PLEKHA1: variants seen among roughly 807,000 people sequenced by gnomAD.
PLEKHA1 encodes pleckstrin homology domain containing A1.
A neutral mutation model predicts 52.0 loss-of-function variants in PLEKHA1; 34 were observed. That is an observed-to-expected ratio of 0.65 (90% confidence interval 0.50 to 0.87). PLEKHA1 has a LOEUF of 0.87. PLEKHA1 is among the 40% of genes least tolerant of loss of function. The pLI is 0.00. For synonymous variants in PLEKHA1, 163 were observed against 170.7 expected, an observed-to-expected ratio of 0.95 and a Z score of 0.35; for missense variants, 497 against 504.2, an observed-to-expected ratio of 0.99 and a Z score of 0.14.
chr10:122,438,738 C>G, the PLEKHA1 span: 1 of 152,154 alleles, frequency 6.6e-6, no homozygotes, highest in Non-Finnish European at 1.5e-5. Flanking sequence ...TTGTCACGCT[C>G]CTGACTTCAG....
chr10:122,405,232 A>T (rs1240117491), intron 4 of PLEKHA1, among the ~76,000 whole-genome samples: 2 of 152,202 alleles, frequency 1.3e-5, no homozygotes, highest in Non-Finnish European at 2.9e-5. Flanking sequence ...CATAAGGTCT[A>T]GAAAAATAGA....
chr10:122,438,608 C>T, the PLEKHA1 span: 2 of 152,284 alleles, frequency 1.3e-5, no homozygotes, highest in Non-Finnish European at 2.9e-5. Flanking sequence ...GAATAGATGT[C>T]TAGGATTGGG....
At chr10:122,440,976 T>A in the PLEKHA1 span, 1 of 152,180 alleles carries the variant, frequency 6.6e-6, no homozygotes, top group East Asian at 1.9e-4. Flanking sequence ...CCCTCTTAAG[T>A]CTGCTGTGAG....
At chr10:122,423,424 T>TC (rs1468085155) in intron 8 of PLEKHA1, 2 of 42,140 alleles carry the variant, frequency 4.7e-5, no homozygotes, top group East Asian at 1.7e-3. Context: ...AAACTCCATC[T>TC]CAAAAAAAAA....
intron 6 of PLEKHA1, among the ~76,000 whole-genome samples, chr10:122,414,202 A>G (rs763669211): frequency 1.3e-5 from 2 of 152,114 alleles, no homozygotes; most frequent in African/African-American, 2.4e-5. Context: ...ATTATGACCT[A>G]TGTTGACATA....
intron 5 of PLEKHA1, 101 bp downstream of exon 5, chr10:122,406,774 C>A: frequency 1.2e-6 from 1 of 850,264 alleles, no homozygotes; most frequent in Non-Finnish European, 1.9e-6. Flanking sequence ...CAACAGGTTT[C>A]ATACTCAAGC....
chr10:122,419,040 T>G (rs553344353), intron 8 of PLEKHA1: 27 of 152,184 alleles, frequency 1.8e-4, no homozygotes, highest in Non-Finnish European at 3.5e-4. Flanking sequence ...TTACACACAA[T>G]GGCCACTGTA....
intron 1 of PLEKHA1, among the ~76,000 whole-genome samples, chr10:122,386,337 G>C (rs532088716): frequency 1.1e-3 from 158 of 150,320 alleles, no homozygotes; most frequent in African/African-American, 3.6e-3. Context: ...TTCGTATTTG[G>C]TTGTCTTATT....
chr10:122,390,473 T>G (rs916373005), intron 1 of PLEKHA1, among the ~76,000 whole-genome samples: 4 of 152,198 alleles, frequency 2.6e-5, no homozygotes, highest in African/African-American at 9.7e-5. Context: ...CATTTCTGGC[T>G]TTTGGTTTAA....
At chr10:122,375,235 G>A (rs1334571802) in intron 1 of PLEKHA1, among the ~76,000 whole-genome samples, 3 of 152,060 alleles carry the variant, frequency 2.0e-5, no homozygotes, top group African/African-American at 7.2e-5. Context: ...GCAGCTGCCC[G>A]GGGATTCCCG....
rs1409983185 is a variant in PLEKHA1 at position 122,394,223 on chromosome 10, T to TCACAC, written c.141+882_141+883insCACAC. ...CCGAGTAGCTGGGACTACAGGGGTG[T>TCACAC]GCCACCACACCTGGCTAATTTTTTG... On this transcript the variant is annotated intron_variant, in intron 2 of 11. Transcript: ENST00000368990. Among the ~76,000 whole-genome samples the TCACAC allele has an allele frequency of 2.3e-4, 35 of 151,768 alleles. 1 individual carries two copies. In the East Asian group the frequency reaches 6.8e-3, roughly 29 times the overall value.
chr10:122,385,409 C>T (rs1022155662), intron 1 of PLEKHA1, among the ~76,000 whole-genome samples: 2 of 150,834 alleles, frequency 1.3e-5, no homozygotes, highest in African/African-American at 4.9e-5. Context: ...CCTCCGCCTC[C>T]CGGGTTCAAG....
chr10:122,404,331 A>G (rs1028060783), intron 4 of PLEKHA1, among the ~76,000 whole-genome samples: 1 of 152,148 alleles, frequency 6.6e-6, no homozygotes, highest in Non-Finnish European at 1.5e-5. Context: ...AAGGTATACT[A>G]GGGGTCTTTT....
intron 4 of PLEKHA1, 142 bp from the exon 5 acceptor site, chr10:122,406,434 C>CTG: frequency 4.5e-6 from 3 of 669,958 alleles, no homozygotes; most frequent in Non-Finnish European, 5.4e-6. Context: ...GTGATAAAAG[C>CTG]TGTATTACAT....
chr10:122,441,345 G>C, the PLEKHA1 span: 1 of 152,178 alleles, frequency 6.6e-6, no homozygotes, highest in Non-Finnish European at 1.5e-5. Flanking sequence ...GTGTGTGTCT[G>C]TAGTCCCAGC....
At chr10:122,411,041 G>T (rs1211886954) in intron 5 of PLEKHA1, among the ~76,000 whole-genome samples, 3 of 151,836 alleles carry the variant, frequency 2.0e-5, no homozygotes, top group Non-Finnish European at 4.4e-5. Context: ...ATCATTCCAG[G>T]GTATACTATC....
Position 122,430,036 on chromosome 10 carries a change from C to T in PLEKHA1, c.*98C>T, listed in dbSNP as rs899856174. On this transcript the variant is annotated 3_prime_UTR_variant, in exon 12 of 12. Coordinates refer to ENST00000368990, the MANE Select transcript of PLEKHA1 (RefSeq NM_001001974.4). The stretch of plus-strand genomic sequence containing the variant: ...ATAAAGGGGGAAATGGTTTTTAGTG[C>T]GTATATTATACTGCCTCTTAGGTGT... 3.5e-5 allele frequency: 46 copies of T among 1,319,044 alleles called. No homozygotes were observed. The highest frequency in any genetic ancestry group is 4.5e-4 in the Middle Eastern group (2 of 4,466). The allele number at this position is 1,319,044 out of a possible 1,614,324, so 81.7% of individuals were successfully genotyped here.
In PLEKHA1 at chr10:122,431,943, C is replaced by T; in HGVS notation, c.*2005C>T. The T allele has an allele frequency of 6.6e-6, 1 of 152,000 alleles. No individual in the cohort carries two copies. The highest frequency in any genetic ancestry group is 1.9e-4 in the East Asian group (1 of 5,198). 9.4% of individuals were successfully genotyped at this position (152,000 alleles called of 1,614,324 possible). ...TAATTTTGGTACAGCTTCCACATTG[C>T]ATGTTCACTTTAGTATTTGCAATTT... On this transcript the variant is annotated 3_prime_UTR_variant, in exon 12 of 12. Coordinates refer to ENST00000368990, the MANE Select transcript of PLEKHA1 (RefSeq NM_001001974.4).
chr10:122,415,789 C>A, intron 6 of PLEKHA1, 70 bp from the exon 7 acceptor site: 1 of 1,408,242 alleles, frequency 7.1e-7, no homozygotes, highest in Non-Finnish European at 9.6e-7. Flanking sequence ...AGATTTTCTA[C>A]TGGGATAATA....
Sources: allele counts gnomAD v4.1 joint callset (sites outside exome capture counted in the v4.1 genomes callset), GRCh38; gene constraint gnomAD v4.1.1; transcripts MANE v1.5; gene names NCBI Gene and HGNC (gene_info 2026-07-23, HGNC 2026-07-21).